Variants in TIAM1 observed in about 807,000 individuals in gnomAD.
The protein encoded by TIAM1 is rho guanine nucleotide exchange factor TIAM1.
TIAM1 carries 65 observed loss-of-function variants against 163.5 expected under a neutral mutation model. The ratio of observed to expected loss-of-function variants is 0.40; its 90% CI spans 0.33 to 0.49. TIAM1 has a LOEUF of 0.49. Ranked by LOEUF, TIAM1 falls within the 20% of genes least tolerant of loss-of-function variation. The pLI, the probability that TIAM1 is intolerant of heterozygous loss-of-function variation, is 0.77. For synonymous variants in TIAM1, 833 were observed against 810.1 expected (o/e 1.03, Z -0.48); for missense variants, 1,789 against 2,044.7 (o/e 0.87, Z 2.41).
chr21:31,331,961 C>T (rs1424598271), intron 2 of TIAM1, among the ~76,000 whole-genome samples: 1 of 152,186 alleles, frequency 6.6e-6, no homozygotes, highest in Non-Finnish European at 1.5e-5. Context: ...AAAACATAAT[C>T]CGTGTCTAAC....
chr21:31,360,885 T>C (rs559093092), intron 2 of TIAM1, among the ~76,000 whole-genome samples: 2 of 152,264 alleles, frequency 1.3e-5, no homozygotes, highest in African/African-American at 4.8e-5. Context: ...AGAGCTAGAA[T>C]TGAAATGACT....
chr21:31,337,449 T>C (rs1478816853), intron 2 of TIAM1, among the ~76,000 whole-genome samples: 4 of 152,006 alleles, frequency 2.6e-5, no homozygotes, highest in African/African-American at 7.3e-5. Flanking sequence ...CCCAAAGGGA[T>C]AGGGGCTGAA....
chr21:31,217,987 T>C (rs995512862), intron 8 of TIAM1, among the ~76,000 whole-genome samples: 2 of 152,176 alleles, frequency 1.3e-5, no homozygotes, highest in African/African-American at 4.8e-5. Flanking sequence ...TTTCCAAAAA[T>C]GACATGTCCT....
chr21:31,162,047 A>G (rs2833315), intron 16 of TIAM1, among the ~76,000 whole-genome samples: 10,542 of 152,248 alleles, frequency 0.069, 1,218 homozygotes, highest in African/African-American at 0.24. Flanking sequence ...TTTTTATGAA[A>G]CCCAGTATTT....
intron 1 of TIAM1, among the ~76,000 whole-genome samples, chr21:31,530,912 C>A (rs1181285903): frequency 1.3e-5 from 2 of 152,118 alleles, no homozygotes; most frequent in African/African-American, 4.8e-5. Flanking sequence ...TTCCTAGTAT[C>A]AAGAACAAGA....
rs1279067707 is a variant in TIAM1, at chr21:31,487,554, ATT to A, written c.-421-23521_-421-23520del. On this transcript the variant is annotated intron_variant, in intron 1 of 28. Coordinates refer to the TIAM1 transcript ENST00000286827. ...CCCAGCTAATTTTTTTTTTTTTTGT[ATT>A]TTTTTTTTTTTTGAGACGGAGTCTC... Among the ~76,000 whole-genome samples the A allele has an allele frequency of 4.4e-5, 5 of 114,826 alleles. 1 individual carries two copies. The highest frequency in any genetic ancestry group is 7.1e-5 in the Non-Finnish European group (4 of 56,680). The allele number at this position is 114,826 out of a possible 152,430, so 75.3% of individuals were successfully genotyped here.
chr21:31,162,146 T>A (rs725681), intron 16 of TIAM1, among the ~76,000 whole-genome samples: 1 of 152,076 alleles, frequency 6.6e-6, no homozygotes, highest in Non-Finnish European at 1.5e-5. Context: ...GTTTGCATCC[T>A]GGTTTTGTCA....
chr21:31,291,135 T>G (rs2074004336), intron 2 of TIAM1, among the ~76,000 whole-genome samples: 1 of 151,970 alleles, frequency 6.6e-6, no homozygotes, highest in South Asian at 2.1e-4. Flanking sequence ...CAAGATGCAG[T>G]AAACAAAAAA....
chr21:31,410,862 G>A (rs2077345697), intron 2 of TIAM1, among the ~76,000 whole-genome samples: 2 of 152,102 alleles, frequency 1.3e-5, no homozygotes, highest in African/African-American at 2.4e-5. Context: ...GGTTTCCTGT[G>A]TCTGACGGCA....
At chr21:31,403,890 C>A (rs2077206013) in intron 2 of TIAM1, among the ~76,000 whole-genome samples, 1 of 152,066 alleles carries the variant, frequency 6.6e-6, no homozygotes. Flanking sequence ...AGCTCAAATC[C>A]AGGGCAGATA....
chr21:31,182,037 A>G (rs902808922), intron 15 of TIAM1, among the ~76,000 whole-genome samples: 9 of 147,432 alleles, frequency 6.1e-5, no homozygotes, highest in Non-Finnish European at 1.0e-4. Flanking sequence ...TCCTGCTTCC[A>G]CCTCCCAAGT....
At chr21:31,221,587 G>A (rs568319764) in intron 8 of TIAM1, among the ~76,000 whole-genome samples, 1 of 152,344 alleles carries the variant, frequency 6.6e-6, no homozygotes, top group Non-Finnish European at 1.5e-5. Context: ...GCTGCGCCCA[G>A]TGGCTTTGAA....
At chr21:31,195,364 G>C in intron 12 of TIAM1, 59 bp from the exon 13 acceptor site, 6 of 1,221,406 alleles carry the variant, frequency 4.9e-6, no homozygotes, top group Non-Finnish European at 7.1e-6. Flanking sequence ...TTTAAAAATG[G>C]TCATCATTTC....
At chr21:31,435,510 G>T (rs1273290199) in intron 2 of TIAM1, among the ~76,000 whole-genome samples, 3 of 152,166 alleles carry the variant, frequency 2.0e-5, no homozygotes, top group Non-Finnish European at 4.4e-5. Context: ...GCTGCATGTA[G>T]TACTAATGAC....
chr21:31,446,406 T>G (rs977673606), intron 2 of TIAM1, among the ~76,000 whole-genome samples: 1 of 152,136 alleles, frequency 6.6e-6, no homozygotes, highest in Non-Finnish European at 1.5e-5. Flanking sequence ...GCAGGCAGCA[T>G]GCATAATTCC....
chr21:31,551,021 G>A (rs186562851), intron 1 of TIAM1, among the ~76,000 whole-genome samples: 2 of 151,702 alleles, frequency 1.3e-5, no homozygotes, highest in Admixed American at 6.6e-5. Flanking sequence ...GACCAGCCTG[G>A]CCAAGATGGT....
chr21:31,228,077 A>ATT lies in TIAM1; in HGVS notation c.1585-2129_1585-2128dup, dbSNP rs67520058. Among the ~76,000 whole-genome samples, 5 of 133,106 alleles carry ATT rather than the reference A, an allele frequency of 3.8e-5. No homozygotes were observed. In the East Asian group the frequency reaches 1.1e-3, roughly 28 times the overall value. 87.3% of individuals were successfully genotyped at this position (133,106 alleles called of 152,430 possible). ...GCCACCACGCCCAGCTAATTTTTGT[A>ATT]TTTTTTTTTTTTTTTAGTAGAGATG... is the stretch of plus-strand genomic sequence containing the variant. On this transcript the variant is annotated intron_variant, in intron 6 of 27. Transcript: ENST00000541036.
At chr21:31,224,860 A>T (rs1039770602) in intron 7 of TIAM1, among the ~76,000 whole-genome samples, 1 of 152,246 alleles carries the variant, frequency 6.6e-6, no homozygotes, top group African/African-American at 2.4e-5. Flanking sequence ...ACAAAGTGTC[A>T]AAGCACTACC....
At chr21:31,536,970 T>C (rs1163735601) in intron 1 of TIAM1, among the ~76,000 whole-genome samples, 1 of 152,202 alleles carries the variant, frequency 6.6e-6, no homozygotes, top group African/African-American at 2.4e-5. Context: ...ATCCAAAGTG[T>C]TGGCAGGACT....
Sources: allele counts gnomAD v4.1 joint callset (sites outside exome capture counted in the v4.1 genomes callset), GRCh38; gene constraint gnomAD v4.1.1; transcripts MANE v1.5; gene names NCBI Gene and HGNC (gene_info 2026-07-23, HGNC 2026-07-21).